HIPK2: variants seen among roughly 807,000 people sequenced by gnomAD.
HIPK2 encodes the protein homeodomain interacting protein kinase 2, also known as homeodomain-interacting protein kinase 2.
HIPK2 carries 27 observed loss-of-function variants against 113.7 expected under a neutral mutation model. The ratio of observed to expected loss-of-function variants is 0.24; its 90% CI spans 0.17 to 0.33. The LOEUF is 0.33. Among genes scored for constraint, HIPK2 ranks in the 10% least tolerant of loss-of-function variants. HIPK2 has a pLI of 1.00. For synonymous variants in HIPK2, 631 were observed against 642.2 expected (o/e 0.98, Z 0.26); for missense variants, 1,257 against 1,588.0 (o/e 0.79, Z 3.54).
chr7:139,654,391 T>C (rs1442585615), intron 2 of HIPK2, among the ~76,000 whole-genome samples: 1 of 152,100 alleles, frequency 6.6e-6, no homozygotes, highest in Non-Finnish European at 1.5e-5. Flanking sequence ...TGCACACCTA[T>C]AGTCGCAGCT....
chr7:139,594,027 G>A (rs145991864), intron 12 of HIPK2, among the ~76,000 whole-genome samples: 178 of 150,864 alleles, frequency 1.2e-3, no homozygotes, highest in African/African-American at 4.1e-3. Context: ...TTTCCATCCT[G>A]AAGCCCCTTT....
intron 9 of HIPK2, among the ~76,000 whole-genome samples, chr7:139,608,573 G>A (rs1799708706): frequency 6.6e-6 from 1 of 152,042 alleles, no homozygotes; most frequent in African/African-American, 2.4e-5. Context: ...AGTAAGTGGT[G>A]AGGCAGCCAT....
intron 1 of HIPK2, among the ~76,000 whole-genome samples, chr7:139,775,135 T>C (rs949876056): frequency 6.6e-6 from 1 of 152,204 alleles, no homozygotes; most frequent in African/African-American, 2.4e-5. Context: ...ATGCACACTC[T>C]TTAGGAGCTC....
At chr7:139,722,689 C>T (rs371677271) in intron 1 of HIPK2, among the ~76,000 whole-genome samples, 4 of 151,820 alleles carry the variant, frequency 2.6e-5, no homozygotes, top group Non-Finnish European at 4.4e-5. Flanking sequence ...GTCCTACTGC[C>T]GGTTGGACGT....
intron 11 of HIPK2, among the ~76,000 whole-genome samples, chr7:139,597,671 C>T (rs532801569): frequency 3.3e-5 from 5 of 152,156 alleles, no homozygotes; most frequent in East Asian, 3.9e-4. Context: ...TCATGGGAGG[C>T]GCATTAGTCT....
In HIPK2 at chr7:139,565,659, C is replaced by T. The variant is rs1798067444; in HGVS notation, c.*7268G>A. On this transcript the variant is annotated 3_prime_UTR_variant, in exon 15 of 15. Coordinates refer to ENST00000406875, the MANE Select transcript of HIPK2 (RefSeq NM_022740.5). The stretch of plus-strand genomic sequence containing the variant: ...TTGAGAAGAGTATCTCAAAAGAAAA[C>T]ATTCTTTTGTTCCTCTAAGTCTTGT... 1 of 151,522 alleles carries T rather than the reference C, an allele frequency of 6.6e-6. No homozygotes were observed. Among genetic ancestry groups the T allele is most frequent in the South Asian group, 2.1e-4 (1 of 4,806 alleles). 9.4% of individuals were successfully genotyped at this position (151,522 alleles called of 1,614,324 possible).
chr7:139,771,416 G>A (rs951928066), intron 1 of HIPK2, among the ~76,000 whole-genome samples: 11 of 151,932 alleles, frequency 7.2e-5, no homozygotes, highest in Non-Finnish European at 1.6e-4. Context: ...CTTTGTTGGG[G>A]TGAGGGATGC....
At position 139,683,561 on chromosome 7, in the gene HIPK2, GAA is replaced by G. The variant is rs1437957341; in HGVS notation, c.1103+32369_1103+32370del. Among the ~76,000 whole-genome samples the G allele has an allele frequency of 6.6e-6, 1 of 152,170 alleles. No homozygotes were observed. The highest frequency in any genetic ancestry group is 1.5e-5 in the Non-Finnish European group (1 of 68,028). ...CAGAACCTCTCAGAATCTAATCTTG[GAA>G]GTGAAACACCGTCATTTCTGCCAGA... On this transcript the variant is annotated intron_variant, in intron 2 of 14. Coordinates refer to ENST00000406875, the MANE Select transcript of HIPK2 (RefSeq NM_022740.5). The surrounding 1 kb of genome is among the most constrained non-coding windows in gnomAD (Gnocchi z 4.2).
At chr7:139,668,220 A>AC (rs1207198677) in intron 2 of HIPK2, among the ~76,000 whole-genome samples, 1 of 152,026 alleles carries the variant, frequency 6.6e-6, no homozygotes, top group Non-Finnish European at 1.5e-5. Flanking sequence ...AGATAACCTC[A>AC]GTGTTAACTA....
chr7:139,739,989 TC>T (rs1796052619), intron 1 of HIPK2, among the ~76,000 whole-genome samples: 1 of 152,192 alleles, frequency 6.6e-6, no homozygotes, highest in African/African-American at 2.4e-5. Flanking sequence ...CTTCTCCTTT[TC>T]GCTGCGATGC....
chr7:139,712,943 T>C (rs1157255244), intron 2 of HIPK2, among the ~76,000 whole-genome samples: 1 of 152,154 alleles, frequency 6.6e-6, no homozygotes, highest in Non-Finnish European at 1.5e-5. Context: ...AGAGCCGCTG[T>C]CTTTCCTGCT....
chr7:139,582,778 A>T (rs1798710218), intron 13 of HIPK2, among the ~76,000 whole-genome samples: 1 of 152,204 alleles, frequency 6.6e-6, no homozygotes, highest in South Asian at 2.1e-4. Context: ...CTCTTGGGAG[A>T]GCGTGCCAGG....
At position 139,572,306 on chromosome 7, in the gene HIPK2, C is replaced by T. The variant is rs1009685582; in HGVS notation, c.*621G>A. The T allele has an allele frequency of 2.0e-5, 3 of 152,248 alleles. No homozygotes were observed. Among genetic ancestry groups the T allele is most frequent in the African/African-American group, 7.2e-5 (3 of 41,480 alleles). 9.4% of individuals were successfully genotyped at this position (152,248 alleles called of 1,614,324 possible). ...GGACTGGGCTTCGCCAATCCCACAC[C>T]AGCTCCAAACATCAGCCTCCTCAGG... On this transcript the variant is annotated 3_prime_UTR_variant, in exon 15 of 15. Coordinates refer to ENST00000406875, the MANE Select transcript of HIPK2 (RefSeq NM_022740.5).
chr7:139,768,989 A>T (rs143468048), intron 1 of HIPK2, among the ~76,000 whole-genome samples: 1 of 152,200 alleles, frequency 6.6e-6, no homozygotes, highest in South Asian at 2.1e-4. Context: ...TGAAGACCCC[A>T]CCAGGGTTAT....
chr7:139,650,550 G>T (rs1801423775), intron 2 of HIPK2, among the ~76,000 whole-genome samples: 1 of 151,752 alleles, frequency 6.6e-6, no homozygotes, highest in Admixed American at 6.6e-5. Context: ...AGCTGTGACA[G>T]CCAGCCCTTA....
chr7:139,694,433 G>A (rs1314323559), intron 2 of HIPK2, among the ~76,000 whole-genome samples: 1 of 152,178 alleles, frequency 6.6e-6, no homozygotes, highest in Non-Finnish European at 1.5e-5. Context: ...AGCTCCGACA[G>A]GTGTCTCCTC....
chr7:139,734,387 G>T (rs1795879117), intron 1 of HIPK2, among the ~76,000 whole-genome samples: 1 of 152,180 alleles, frequency 6.6e-6, no homozygotes, highest in African/African-American at 2.4e-5. Flanking sequence ...TGCAAACTTT[G>T]ACGCAAATCA....
chr7:139,663,433 G>A (rs192864902), intron 2 of HIPK2, among the ~76,000 whole-genome samples: 35 of 152,314 alleles, frequency 2.3e-4, no homozygotes, highest in Non-Finnish European at 3.2e-4. Flanking sequence ...TGGAGGCCTC[G>A]TGGGCTTCCT....
chr7:139,611,527 T>C (rs1462805345), intron 9 of HIPK2, among the ~76,000 whole-genome samples: 1 of 152,146 alleles, frequency 6.6e-6, no homozygotes, highest in Admixed American at 6.6e-5. Flanking sequence ...TTAAACATGA[T>C]AAAGTGTTTC....
Sources: allele counts gnomAD v4.1 joint callset (sites outside exome capture counted in the v4.1 genomes callset), GRCh38; gene constraint gnomAD v4.1.1; non-coding constraint Gnocchi (gnomAD v3.1); transcripts MANE v1.5; gene names NCBI Gene and HGNC (gene_info 2026-07-23, HGNC 2026-07-21).